The following MPRIP variants were observed in gnomAD, a reference collection of about 807,000 sequenced individuals.
The protein encoded by MPRIP is myosin phosphatase Rho interacting protein.
Under a neutral mutation model 234.9 loss-of-function variants are expected in MPRIP, and 59 were observed. The observed-to-expected ratio is 0.25, with a 90% CI of 0.20 to 0.31. The LOEUF (loss-of-function observed/expected upper bound fraction) is 0.31, where lower values mean the gene tolerates loss of function less well. Ranked by LOEUF, MPRIP falls within the 10% of genes least tolerant of loss-of-function variation. The pLI is 1.00. For missense variants in MPRIP, 2,436 were observed against 3,071.0 expected, an observed-to-expected ratio of 0.79 and a Z score of 4.89; for synonymous variants, 1,144 against 1,263.9, an observed-to-expected ratio of 0.91 and a Z score of 2.01.
At position 17,167,712 on chromosome 17, in the gene MPRIP, C is replaced by T. The variant is rs2046034495; in HGVS notation, c.6121C>T (p.Pro2041Ser). 2 of 1,304,174 alleles carry T rather than the reference C, an allele frequency of 1.5e-6. No homozygotes were observed. The highest frequency in any genetic ancestry group is 1.0e-6 in the Non-Finnish European group (1 of 988,952). 80.8% of individuals were successfully genotyped at this position (1,304,174 alleles called of 1,614,324 possible). A position where few individuals can be genotyped will look rare whatever the true frequency, so the allele number is the denominator to read the frequency against. Residue 2041 changes from proline to serine, a missense_variant, in exon 16 of 24, where the codon CCA becomes TCA. Pro to Ser is a moderately conservative substitution (Grantham distance 74). Transcript: ENST00000651222. The surrounding 1 kb of genome is among the most constrained non-coding windows in gnomAD (Gnocchi z 5.9). ...GGACACCCTCTGCCTCCACCAGGGG[C>T]CACACCCCAAGGCCCTGCCAGCCCC... is the stretch of plus-strand genomic sequence containing the variant. The part of the protein sequence containing the change: ...LQDTLCLHQG[P>S]HPKALPAPAP...
intron 3 of MPRIP, among the ~76,000 whole-genome samples, chr17:17,079,906 C>T (rs1215769266): frequency 6.6e-6 from 1 of 152,282 alleles, no homozygotes; most frequent in Middle Eastern, 3.4e-3. Context: ...CCAGGAGCAC[C>T]GACACTTCAC....
At chr17:17,050,656 A>G (rs907246644) in intron 1 of MPRIP, among the ~76,000 whole-genome samples, 17 of 152,080 alleles carry the variant, frequency 1.1e-4, no homozygotes, top group African/African-American at 3.6e-4. Context: ...CTTGGTGTCT[A>G]TTGCCAACTT....
rs948525290 is a variant in MPRIP, at chr17:17,189,145, T to C, written c.*4251T>C. 1.3e-5 allele frequency: 2 copies of C among 151,902 alleles called. No individual in the cohort carries two copies. Among genetic ancestry groups the C allele is most frequent in the African/African-American group, 4.8e-5 (2 of 41,296 alleles). The allele number at this position is 151,902 out of a possible 1,614,324, so 9.4% of individuals were successfully genotyped here. A position where few individuals can be genotyped will look rare whatever the true frequency, so the allele number is the denominator to read the frequency against. On this transcript the variant is annotated 3_prime_UTR_variant, in exon 24 of 24. Transcript: ENST00000651222. ...AAGCTTGGAATTTATAAGACTTTCC[T>C]TTATAAGATATAGTGGGGGTTTTTT...
intron 3 of MPRIP, among the ~76,000 whole-genome samples, chr17:17,083,642 AT>A (rs1311338154): frequency 6.6e-6 from 1 of 152,090 alleles, no homozygotes; most frequent in African/African-American, 2.4e-5. Flanking sequence ...TCCCTAAGCC[AT>A]TTTTTTGCAG....
chr17:17,173,284 C>A (rs1460556008), intron 18 of MPRIP, among the ~76,000 whole-genome samples: 1 of 152,252 alleles, frequency 6.6e-6, no homozygotes, highest in South Asian at 2.1e-4. Context: ...GTAGAATTGA[C>A]ACAGCCAGAA....
chr17:17,127,138 T>G (rs1352276871), intron 4 of MPRIP, among the ~76,000 whole-genome samples: 1 of 152,088 alleles, frequency 6.6e-6, no homozygotes, highest in Non-Finnish European at 1.5e-5. Context: ...CACCTGCCCC[T>G]CCACCTGGAA....
At position 17,134,416 on chromosome 17, in the gene MPRIP, C is replaced by T. The variant is rs565253915; in HGVS notation, c.505-1803C>T. ...TGCTGTGCTTGGTGCAGGGACAGGT[C>T]GTCCTGGGGCGGCATCCCCTTGGGT... On this transcript the variant is annotated intron_variant, in intron 5 of 23. Coordinates refer to ENST00000651222, the MANE Select transcript of MPRIP (RefSeq NM_001364716.4). Among the ~76,000 whole-genome samples the T allele has an allele frequency of 2.9e-4, 44 of 152,302 alleles. No individual in the cohort carries two copies. In the South Asian group the frequency reaches 5.2e-3, roughly 18 times the overall value.
At position 17,131,659 on chromosome 17, in the gene MPRIP, G is replaced by C. The variant is rs2090599494; in HGVS notation, c.462G>C (p.Gln154His). The C allele has an allele frequency of 6.2e-7, 1 of 1,614,192 alleles. No homozygotes were observed. Among genetic ancestry groups the C allele is most frequent in the Non-Finnish European group, 8.5e-7 (1 of 1,180,026 alleles). The part of the protein sequence containing the change: ...MLMVYPRTNK[Q>H]NQKKKRKVEP... ...TGGTCTATCCCCGGACCAACAAGCA[G>C]AATCAGAAGAAGAAACGGAAAGTGG... The change falls in exon 5 of 24, where the codon CAG becomes CAC. Residue 154 changes from glutamine (Q) to histidine (H), a missense_variant. By Grantham distance (24) the Gln-to-His change is conservative. This residue lies in a region of MPRIP where 31 missense variants were observed against 90.7 expected (regional missense o/e 0.34). Coordinates refer to ENST00000651222, the MANE Select transcript of MPRIP (RefSeq NM_001364716.4).
chr17:17,078,222 T>C lies in MPRIP; in HGVS notation c.267+146T>C. ...AGTGTGGAATGTTTTGAAGAACTTG[T>C]GGCACCTGCTGGAGACAGCTTTAAA... On this transcript the variant is annotated intron_variant, in intron 3 of 23. Transcript: ENST00000651222. The surrounding 1 kb of genome is among the most constrained non-coding windows in gnomAD (Gnocchi z 4.3). 1 of 805,258 alleles carries C rather than the reference T, an allele frequency of 1.2e-6. No individual in the cohort carries two copies. Among genetic ancestry groups the C allele is most frequent in the Non-Finnish European group, 2.0e-6 (1 of 497,852 alleles). The allele number at this position is 805,258 out of a possible 1,614,324, so 49.9% of individuals were successfully genotyped here.
intron 1 of MPRIP, among the ~76,000 whole-genome samples, chr17:17,070,021 A>G (rs921853998): frequency 6.6e-6 from 1 of 152,188 alleles, no homozygotes; most frequent in African/African-American, 2.4e-5. Context: ...TTTACTGGTT[A>G]TAGGATTCTA....
At chr17:17,148,699 G>T (rs1486037867) in intron 11 of MPRIP, among the ~76,000 whole-genome samples, 1 of 152,180 alleles carries the variant, frequency 6.6e-6, no homozygotes, top group African/African-American at 2.4e-5. Context: ...GTTGCCAGCT[G>T]AACTAGCAGC....
At chr17:17,161,461 G>A in intron 15 of MPRIP, 105 bp downstream of exon 15, 1 of 676,638 alleles carries the variant, frequency 1.5e-6, no homozygotes, top group Non-Finnish European at 2.4e-6. Context: ...CTGAGCAGGG[G>A]TGTCTCCCAG....
chr17:17,082,909 A>G (rs1476934729), intron 3 of MPRIP, among the ~76,000 whole-genome samples: 4 of 152,214 alleles, frequency 2.6e-5, no homozygotes, highest in Non-Finnish European at 5.9e-5. Flanking sequence ...AAGGTCCTGA[A>G]AGATCATCCT....
At chr17:17,171,997 T>G (rs1378932733) in intron 17 of MPRIP, 132 bp downstream of exon 17, 8 of 1,128,914 alleles carry the variant, frequency 7.1e-6, no homozygotes, top group Non-Finnish European at 9.9e-6. Flanking sequence ...TGAAGGGTTC[T>G]TTGACTATTC....
At chr17:17,068,031 C>T (rs1177400301) in intron 1 of MPRIP, among the ~76,000 whole-genome samples, 2 of 151,792 alleles carry the variant, frequency 1.3e-5, no homozygotes, top group Non-Finnish European at 2.9e-5. Context: ...ATTAGTATTC[C>T]TCATTATCCC....
chr17:17,142,512 G>A (rs899317397), intron 7 of MPRIP, 115 bp from the exon 8 acceptor site: 1 of 1,288,250 alleles, frequency 7.8e-7, no homozygotes, highest in East Asian at 2.3e-5. Context: ...CCTCGGTGCT[G>A]TGCAAGCCTG....
chr17:17,060,201 C>A (rs2088828458), intron 1 of MPRIP, among the ~76,000 whole-genome samples: 1 of 152,186 alleles, frequency 6.6e-6, no homozygotes, highest in African/African-American at 2.4e-5. Context: ...CTCTTCCTTC[C>A]ATGTGTGCCT....
intron 1 of MPRIP, among the ~76,000 whole-genome samples, chr17:17,048,864 CA>C (rs1411476178): frequency 6.6e-6 from 1 of 152,148 alleles, no homozygotes; most frequent in Non-Finnish European, 1.5e-5. Context: ...CAGGTGTATT[CA>C]AACAGATACT....
intron 3 of MPRIP, among the ~76,000 whole-genome samples, chr17:17,082,188 C>T (rs535151773): frequency 2.2e-3 from 332 of 151,528 alleles, no homozygotes; most frequent in African/African-American, 7.8e-3. Context: ...AGAGTGGGAG[C>T]GCCAGGAGTT....
Sources: gnomAD v4.1 joint callset for allele counts (sites outside exome capture counted in the v4.1 genomes callset) on GRCh38, gnomAD v4.1.1 for gene constraint, gnomAD v4.1.1 regional missense constraint, Gnocchi (gnomAD v3.1) non-coding constraint, MANE v1.5 for transcripts, NCBI Gene and HGNC (gene_info 2026-07-23, HGNC 2026-07-21) for gene names.